CACNB2: variants seen among roughly 807,000 people sequenced by gnomAD.
The protein encoded by CACNB2 is calcium voltage-gated channel auxiliary subunit beta 2.
Under a neutral mutation model 73.3 loss-of-function variants are expected in CACNB2, and 42 were observed. The observed-to-expected ratio is 0.57, with a 90% CI of 0.45 to 0.74. The LOEUF is 0.74. Ranked by LOEUF, CACNB2 falls within the 30% of genes least tolerant of loss-of-function variation. The probability of loss-of-function intolerance (pLI) is 0.00; values close to 1 mark genes in which losing one functional copy is unlikely to be tolerated. For synonymous variants in CACNB2, 348 were observed against 310.3 expected (o/e 1.12, Z -1.28); for missense variants, 940 against 853.0 (o/e 1.10, Z -1.27).
intron 2 of CACNB2, among the ~76,000 whole-genome samples, chr10:18,291,070 G>A (rs1007155364): frequency 2.0e-5 from 3 of 152,216 alleles, no homozygotes; most frequent in South Asian, 2.1e-4. Flanking sequence ...AACAACAGGT[G>A]CGCAGTGAGC....
At chr10:18,298,032 A>T (rs777109365) in intron 2 of CACNB2, among the ~76,000 whole-genome samples, 1 of 152,184 alleles carries the variant, frequency 6.6e-6, no homozygotes, top group African/African-American at 2.4e-5. Flanking sequence ...GGTGAAGGTA[A>T]AAAGAGATAA....
chr10:18,515,601 A>C (rs547189734), intron 7 of CACNB2, among the ~76,000 whole-genome samples: 1 of 152,334 alleles, frequency 6.6e-6, no homozygotes, highest in Admixed American at 6.5e-5. Flanking sequence ...TGATTATTTT[A>C]ATAAGGGAAA....
chr10:18,518,455 C>T, intron 8 of CACNB2, 39 bp downstream of exon 8: 2 of 1,364,034 alleles, frequency 1.5e-6, no homozygotes, highest in East Asian at 4.6e-5. Flanking sequence ...AACTTGCATG[C>T]TGAACTTCTT....
At chr10:18,307,983 C>CTTTTTTTTTTTTTTT (rs869311555) in intron 2 of CACNB2, among the ~76,000 whole-genome samples, 1,935 of 70,186 alleles carry the variant, frequency 0.028, 474 homozygotes, top group Non-Finnish European at 0.036. Flanking sequence ...TATATGCCAA[C>CTTTTTTTTTTTTTTT]TTTTTTTTTT....
chr10:18,407,109 C>CTGTTTTTTTTTTTTTTT (rs2044332749), intron 3 of CACNB2, among the ~76,000 whole-genome samples: 1 of 35,572 alleles, frequency 2.8e-5, no homozygotes, highest in Non-Finnish European at 5.2e-5. Context: ...GCTGTTCTGT[C>CTGTTTTTTTTTTTTTTT]TTTTTTTTTT....
intron 2 of CACNB2, among the ~76,000 whole-genome samples, chr10:18,371,052 A>G (rs2042560335): frequency 6.6e-6 from 1 of 152,198 alleles, no homozygotes; most frequent in African/African-American, 2.4e-5. Flanking sequence ...TGCTTTTCAG[A>G]AAGGTTATAC....
intron 3 of CACNB2, among the ~76,000 whole-genome samples, chr10:18,425,478 A>G (rs1042286477): frequency 6.6e-6 from 1 of 152,018 alleles, no homozygotes; most frequent in Non-Finnish European, 1.5e-5. Context: ...ACCAGCCCGG[A>G]CAATCTAACA....
At chr10:18,158,176 G>A (rs1019762085) in intron 2 of CACNB2, among the ~76,000 whole-genome samples, 7 of 152,240 alleles carry the variant, frequency 4.6e-5, no homozygotes, top group Admixed American at 2.0e-4. Flanking sequence ...GAGGTTTGGC[G>A]GAGGCTGATG....
chr10:18,299,375 A>C (rs1588976638), intron 2 of CACNB2, among the ~76,000 whole-genome samples: 1 of 152,320 alleles, frequency 6.6e-6, no homozygotes, highest in East Asian at 1.9e-4. Flanking sequence ...TTTCCCAAGG[A>C]AAAGCTCCAC....
chr10:18,476,328 G>A (rs1288989217), intron 3 of CACNB2, among the ~76,000 whole-genome samples: 1 of 152,208 alleles, frequency 6.6e-6, no homozygotes, highest in Non-Finnish European at 1.5e-5. Flanking sequence ...AACCCACAAA[G>A]CAAGGAAAGA....
intron 2 of CACNB2, among the ~76,000 whole-genome samples, chr10:18,334,232 C>A (rs909554145): frequency 1.3e-5 from 2 of 152,126 alleles, no homozygotes; most frequent in Admixed American, 1.3e-4. Flanking sequence ...AAATGTTCCA[C>A]GGTGTGAATA....
chr10:18,350,457 C>T (rs80128798), intron 2 of CACNB2, among the ~76,000 whole-genome samples: 1,704 of 152,272 alleles, frequency 0.011, 35 homozygotes, highest in African/African-American at 0.039. Context: ...CACAGCACTG[C>T]CTGTGCCTCC....
chr10:18,358,093 A>C (rs1032399445), intron 2 of CACNB2, among the ~76,000 whole-genome samples: 5 of 152,132 alleles, frequency 3.3e-5, no homozygotes, highest in African/African-American at 1.2e-4. Context: ...CATTCAATTG[A>C]TTGATTAACT....
At chr10:18,203,591 C>T (rs936308774) in intron 2 of CACNB2, among the ~76,000 whole-genome samples, 7 of 152,238 alleles carry the variant, frequency 4.6e-5, no homozygotes, top group Middle Eastern at 6.8e-3. Context: ...AACACCCACA[C>T]GTACATACAT....
chr10:18,152,812 T>C (rs1468600472), intron 2 of CACNB2, among the ~76,000 whole-genome samples: 3 of 149,956 alleles, frequency 2.0e-5, no homozygotes, highest in Admixed American at 6.7e-5. Flanking sequence ...CTTGTTGAAA[T>C]TGCACGGAAA....
intron 3 of CACNB2, among the ~76,000 whole-genome samples, chr10:18,419,008 C>G (rs930734332): frequency 1.3e-5 from 2 of 152,212 alleles, no homozygotes. Flanking sequence ...AGTCAACCTA[C>G]ATTCCTTACA....
chr10:18,535,633 C>T (rs531496970), intron 11 of CACNB2, among the ~76,000 whole-genome samples: 48 of 151,920 alleles, frequency 3.2e-4, no homozygotes, highest in South Asian at 1.7e-3. Flanking sequence ...ATTAGCCGGG[C>T]GTGGTGGCGG....
chr10:18,337,288 C>T (rs2041046105), intron 2 of CACNB2, among the ~76,000 whole-genome samples: 1 of 152,022 alleles, frequency 6.6e-6, no homozygotes, highest in Non-Finnish European at 1.5e-5. Context: ...CACCACTATG[C>T]CTGAGGTCTT....
intron 2 of CACNB2, among the ~76,000 whole-genome samples, chr10:18,245,751 C>T (rs1422594261): frequency 6.6e-6 from 1 of 152,146 alleles, no homozygotes; most frequent in Non-Finnish European, 1.5e-5. Flanking sequence ...ACTAGTCATT[C>T]TCCTCTCCAG....
Sources: gnomAD v4.1 joint callset for allele counts (sites outside exome capture counted in the v4.1 genomes callset) on GRCh38, gnomAD v4.1.1 for gene constraint, MANE v1.5 for transcripts, NCBI Gene and HGNC (gene_info 2026-07-23, HGNC 2026-07-21) for gene names.